ST6GALNAC1: variants seen among roughly 807,000 people sequenced by gnomAD.
ST6GALNAC1 encodes the protein alpha-N-acetylgalactosaminide alpha-2,6-sialyltransferase 1.
ST6GALNAC1 carries 45 observed loss-of-function variants against 56.8 expected under a neutral mutation model. That is an observed-to-expected ratio of 0.79 (90% CI 0.62 to 1.02). The LOEUF (loss-of-function observed/expected upper bound fraction) is 1.02. Ranked by LOEUF, ST6GALNAC1 falls within the 50% of genes least tolerant of loss-of-function variation. ST6GALNAC1 has a pLI of 0.00. For synonymous variants in ST6GALNAC1, 295 were observed against 297.8 expected, an observed-to-expected ratio of 0.99 and a Z score of 0.10; for missense variants, 743 against 754.8, an observed-to-expected ratio of 0.98 and a Z score of 0.18.
Position 76,625,366 on chromosome 17 carries a change from C to G in ST6GALNAC1, c.1767G>C (p.Gln589His). The change falls in exon 9 of 9, where the codon CAG becomes CAC. Residue 589 changes from glutamine to histidine, a missense_variant. Physicochemically the swap from Gln to His is conservative, Grantham distance 24. Coordinates refer to ENST00000156626, the MANE Select transcript of ST6GALNAC1 (RefSeq NM_018414.5). ...LHDEGIIRLY[Q>H]RPGPGTAKAK... ...CTTTGGCAGTTCCGGGACCAGGACGCTGGTACAGCCGGATTATCCCTTCAT... is the reference window on the plus strand; with the variant it reads ...CTTTGGCAGTTCCGGGACCAGGACGGTGGTACAGCCGGATTATCCCTTCAT... 1 of 1,613,942 alleles carries G rather than the reference C, an allele frequency of 6.2e-7. No homozygotes were observed. Among genetic ancestry groups the G allele is most frequent in the African/African-American group, 1.3e-5 (1 of 75,048 alleles).
downstream of ST6GALNAC1, among the ~76,000 whole-genome samples, chr17:76,621,184 TTC>T (rs1222483382): frequency 3.3e-3 from 409 of 123,134 alleles, 7 homozygotes; most frequent in African/African-American, 0.011. Context: ...CTTTCTTTCT[TTC>T]TTTTTTTTTT....
In ST6GALNAC1 at chr17:76,637,305, A is replaced by G. The variant is rs150435377; in HGVS notation, c.131+6203T>C. 9.6e-3 allele frequency among the ~76,000 whole-genome samples: 1,299 copies of G among 134,812 alleles called. 43 individuals are homozygous for G. Among genetic ancestry groups the G allele is most frequent in the African/African-American group, 0.036 (1,242 of 34,762 alleles). 88.4% of individuals were successfully genotyped at this position (134,812 alleles called of 152,430 possible). Reference sequence around the variant, plus strand: ...AAAAAAAAAAAAAAAAAAGATTCCCATCACACCCTAAACCTAAAAGGTTTA... The same window carrying G: ...AAAAAAAAAAAAAAAAAAGATTCCCGTCACACCCTAAACCTAAAAGGTTTA... On this transcript the variant is annotated intron_variant, in intron 1 of 8. Transcript: ENST00000156626.
intron 1 of ST6GALNAC1, among the ~76,000 whole-genome samples, chr17:76,635,444 A>G (rs982320393): frequency 3.9e-5 from 6 of 152,166 alleles, no homozygotes; most frequent in Admixed American, 2.0e-4. Flanking sequence ...ATTCGAGACC[A>G]GCCTGGCCAA....
At chr17:76,637,164 C>G (rs2075986301) in intron 1 of ST6GALNAC1, among the ~76,000 whole-genome samples, 1 of 150,838 alleles carries the variant, frequency 6.6e-6, no homozygotes, top group Non-Finnish European at 1.5e-5. Context: ...CTAGGAAAAC[C>G]AGAGACCTTT....
At position 76,628,813 on chromosome 17, in the gene ST6GALNAC1, C is replaced by G. The variant is rs1473487990; in HGVS notation, c.831+199G>C. ...GTCCGGGGCCTGCCTGCTCCTCCTC[C>G]CCCATTGTGGCCATCATTGGAAAGA... On this transcript the variant is annotated intron_variant, in intron 2 of 8. Transcript: ENST00000156626. Among the ~76,000 whole-genome samples, 3 of 152,150 alleles carry G rather than the reference C, an allele frequency of 2.0e-5. No homozygotes were observed. The East Asian group carries it at 5.8e-4, about 29-fold the overall frequency.
At chr17:76,626,459 G>A in intron 5 of ST6GALNAC1, 67 bp from the exon 6 acceptor site, 1 of 1,552,086 alleles carries the variant, frequency 6.4e-7, no homozygotes, top group Non-Finnish European at 8.9e-7. Flanking sequence ...GGGTGGCCCA[G>A]CTCTGACTCC....
intron 1 of ST6GALNAC1, among the ~76,000 whole-genome samples, chr17:76,631,100 C>T (rs926470660): frequency 4.4e-5 from 6 of 137,738 alleles, no homozygotes; most frequent in African/African-American, 8.0e-5. Context: ...TGTGTGTGCA[C>T]GCGTGCGCGA....
intron 1 of ST6GALNAC1, among the ~76,000 whole-genome samples, chr17:76,642,940 AAAG>A (rs1202064951): frequency 1.3e-5 from 2 of 151,872 alleles, no homozygotes; most frequent in South Asian, 2.1e-4. Flanking sequence ...AAAAAAAAAA[AAAG>A]AGGGCCTCTC....
chr17:76,634,596 A>G (rs1012859237), intron 1 of ST6GALNAC1, among the ~76,000 whole-genome samples: 14 of 122,862 alleles, frequency 1.1e-4, no homozygotes, highest in Admixed American at 5.5e-4. Flanking sequence ...AAAGTTGGCC[A>G]GGCGTGGTGC....
At chr17:76,620,840 C>T (rs2075732734), downstream of ST6GALNAC1, among the ~76,000 whole-genome samples, 1 of 152,118 alleles carries the variant, frequency 6.6e-6, no homozygotes, top group Non-Finnish European at 1.5e-5. Context: ...AGTGATCCAC[C>T]CGCCTCGGCC....
In ST6GALNAC1 at chr17:76,629,171, G is replaced by C; in HGVS notation, c.672C>G (p.Ile224Met). Residue 224 changes from isoleucine to methionine, a missense_variant, in exon 2 of 9, where the codon ATC (isoleucine) becomes ATG (methionine). Ile to Met is a conservative substitution (Grantham distance 10). Transcript: ENST00000156626. ...CCTGAGGTTTCTTCTCCTTAGGTGG[G>C]ATGACTGCTGTGGTCACTCCTTTCT... is the stretch of plus-strand genomic sequence containing the variant. Reference protein sequence around the residue: ...TRQKGVTTAVIPPKEKKPQAT... With the variant: ...TRQKGVTTAVMPPKEKKPQAT... 1.2e-6 allele frequency: 2 copies of C among 1,614,134 alleles called. No individual in the cohort carries two copies. The highest frequency in any genetic ancestry group is 1.7e-6 in the Non-Finnish European group (2 of 1,180,012).
downstream of ST6GALNAC1, among the ~76,000 whole-genome samples, chr17:76,622,349 A>T (rs2075750106): frequency 6.6e-6 from 1 of 150,820 alleles, no homozygotes; most frequent in Non-Finnish European, 1.5e-5. Context: ...GATTTTTTTC[A>T]CCATGCAACA....
chr17:76,629,635 C>G lies in ST6GALNAC1; in HGVS notation c.208G>C (p.Ala70Pro), dbSNP rs750927235. Residue 70 changes from alanine to proline, a missense_variant, in exon 2 of 9, where the codon GCA becomes CCA. Physicochemically the swap from Ala to Pro is conservative, Grantham distance 27. Coordinates refer to ENST00000156626, the MANE Select transcript of ST6GALNAC1 (RefSeq NM_018414.5). ...AKPKSQAPTRARRTTIYAEPV... is the reference protein window; with the variant it reads ...AKPKSQAPTRPRRTTIYAEPV... ...TCTGCATAGATGGTTGTCCTCCTTG[C>G]CCTTGTGGGTGCCTGGGACTTAGGC... 1 of 1,613,686 alleles carries G rather than the reference C, an allele frequency of 6.2e-7. No individual in the cohort carries two copies. Among genetic ancestry groups the G allele is most frequent in the Non-Finnish European group, 8.5e-7 (1 of 1,179,786 alleles).
intron 1 of ST6GALNAC1, among the ~76,000 whole-genome samples, chr17:76,641,553 C>T (rs2076048320): frequency 6.6e-6 from 1 of 152,122 alleles, no homozygotes; most frequent in African/African-American, 2.4e-5. Context: ...AAAAGAGAAA[C>T]ACTTTCACCT....
At chr17:76,639,638 A>ACAC (rs2076020185) in intron 1 of ST6GALNAC1, among the ~76,000 whole-genome samples, 1 of 125,170 alleles carries the variant, frequency 8.0e-6, no homozygotes, top group African/African-American at 3.3e-5. Context: ...TTACATGATA[A>ACAC]ACACACACAC....
At chr17:76,621,182 C>CTTTTTTTTTT (rs367846650), downstream of ST6GALNAC1, among the ~76,000 whole-genome samples, 23 of 105,318 alleles carry the variant, frequency 2.2e-4, no homozygotes, top group Non-Finnish European at 2.7e-4. Context: ...TTCTTTCTTT[C>CTTTTTTTTTT]TTTCTTTTTT....
rs147250338 is a variant in ST6GALNAC1, at chr17:76,627,156, C to A, written c.1083G>T (p.Arg361=). The part of the protein sequence containing the change: ...LLASLPAGSL[R]CITCAVVGNG... The stretch of plus-strand genomic sequence containing the variant: ...TGCCCACCACGGCACAGGTGATGCA[C>A]CGGAGGCTCCCAGCGGGGAGGCTGG... Residue 361 remains arginine, a synonymous_variant, in exon 4 of 9, where the codon CGG becomes CGT. Coordinates refer to ENST00000156626, the MANE Select transcript of ST6GALNAC1 (RefSeq NM_018414.5). The surrounding 1 kb of genome is among the most constrained non-coding windows in gnomAD (Gnocchi z 4.4). 2 of 1,605,452 alleles carry A rather than the reference C, an allele frequency of 1.2e-6. No homozygotes were observed. Among genetic ancestry groups the A allele is most frequent in the Non-Finnish European group, 1.7e-6 (2 of 1,175,310 alleles).
downstream of ST6GALNAC1, among the ~76,000 whole-genome samples, chr17:76,622,248 T>C (rs2075749091): frequency 1.3e-5 from 1 of 78,064 alleles, no homozygotes; most frequent in Non-Finnish European, 3.1e-5. Flanking sequence ...CTCAAAGTCC[T>C]TTACTATATA....
At chr17:76,617,766 G>A in the ST6GALNAC1 span, among the ~76,000 whole-genome samples, 1 of 147,292 alleles carries the variant, frequency 6.8e-6, no homozygotes, top group Non-Finnish European at 1.5e-5. Context: ...GCAAGACTCT[G>A]TCTCAAAAAA....
Sources: gnomAD v4.1 joint callset for allele counts (sites outside exome capture counted in the v4.1 genomes callset) on GRCh38, gnomAD v4.1.1 for gene constraint, Gnocchi (gnomAD v3.1) non-coding constraint, MANE v1.5 for transcripts, NCBI Gene and HGNC (gene_info 2026-07-23, HGNC 2026-07-21) for gene names.